The following CCSER1 variants were observed in gnomAD, a reference collection of about 807,000 sequenced individuals.
CCSER1 encodes coiled-coil serine rich protein 1.
In CCSER1, 41 loss-of-function variants were observed where a neutral mutation model predicts 82.0. That is an observed-to-expected ratio of 0.50 (90% CI 0.39 to 0.65). The LOEUF (loss-of-function observed/expected upper bound fraction) is 0.65, where lower values mean the gene tolerates loss of function less well. Ranked by LOEUF, CCSER1 falls within the 30% of genes least tolerant of loss-of-function variation. The pLI is 0.00. For synonymous variants in CCSER1, 414 were observed against 383.9 expected (o/e 1.08, Z -0.92); for missense variants, 1,119 against 1,064.2 (o/e 1.05, Z -0.72).
At chr4:90,558,835 A>C (rs1778409490) in intron 5 of CCSER1, among the ~76,000 whole-genome samples, 1 of 152,180 alleles carries the variant, frequency 6.6e-6, no homozygotes, top group African/African-American at 2.4e-5. Flanking sequence ...ATTGTTTTTA[A>C]GTGAGCTAAG....
At chr4:91,374,083 GAA>G (rs1412779305) in intron 10 of CCSER1, among the ~76,000 whole-genome samples, 1 of 152,106 alleles carries the variant, frequency 6.6e-6, no homozygotes, top group East Asian at 1.9e-4. Context: ...TGAGGTTTAT[GAA>G]AAGACACCAT....
intron 10 of CCSER1, among the ~76,000 whole-genome samples, chr4:91,139,816 G>C (rs1390219795): frequency 6.6e-6 from 1 of 152,188 alleles, no homozygotes; most frequent in South Asian, 2.1e-4. Flanking sequence ...AATACCAATT[G>C]CTTCTCTGAA....
At chr4:90,353,785 T>C (rs1034912261) in intron 3 of CCSER1, among the ~76,000 whole-genome samples, 1 of 152,186 alleles carries the variant, frequency 6.6e-6, no homozygotes, top group African/African-American at 2.4e-5. Flanking sequence ...CTACAATGAA[T>C]AGATATGAGG....
At chr4:91,268,924 G>A (rs373600702) in intron 10 of CCSER1, among the ~76,000 whole-genome samples, 41 of 152,258 alleles carry the variant, frequency 2.7e-4, no homozygotes, top group African/African-American at 9.1e-4. Flanking sequence ...CCATCTGGAC[G>A]TATACGTGCA....
At chr4:90,205,687 G>A (rs1738668672) in intron 1 of CCSER1, among the ~76,000 whole-genome samples, 1 of 152,004 alleles carries the variant, frequency 6.6e-6, no homozygotes, top group Non-Finnish European at 1.5e-5. Flanking sequence ...GCCTCGTTTT[G>A]GTATCAGGAT....
intron 10 of CCSER1, among the ~76,000 whole-genome samples, chr4:91,163,448 T>C (rs200202854): frequency 0.71 from 107,023 of 150,842 alleles, 38,415 homozygotes; most frequent in Non-Finnish European, 0.78. Context: ...CTATTAGGTC[T>C]GCTTGGTGCA....
At chr4:91,104,534 A>G (rs1725413531) in intron 10 of CCSER1, among the ~76,000 whole-genome samples, 1 of 152,228 alleles carries the variant, frequency 6.6e-6, no homozygotes, top group Admixed American at 6.5e-5. Context: ...TTCCCCCAGT[A>G]AGAGACTTTC....
At chr4:90,423,491 G>A (rs149585433) in intron 4 of CCSER1, among the ~76,000 whole-genome samples, 1,913 of 151,804 alleles carry the variant, frequency 0.013, 31 homozygotes, top group African/African-American at 0.043. Flanking sequence ...CCCAAAGTGC[G>A]GGGAATACAG....
At chr4:90,990,276 C>G (rs975105722) in intron 9 of CCSER1, among the ~76,000 whole-genome samples, 1 of 151,782 alleles carries the variant, frequency 6.6e-6, no homozygotes, top group Non-Finnish European at 1.5e-5. Context: ...CCTCTGTATC[C>G]CCTTAGGCCT....
chr4:91,282,750 T>C (rs1396338860), intron 10 of CCSER1, among the ~76,000 whole-genome samples: 1 of 152,162 alleles, frequency 6.6e-6, no homozygotes, highest in African/African-American at 2.4e-5. Flanking sequence ...TATTCTTTAT[T>C]AGAAGTAAGG....
chr4:90,758,231 T>G (rs1749866697), intron 7 of CCSER1, among the ~76,000 whole-genome samples: 1 of 152,062 alleles, frequency 6.6e-6, no homozygotes, highest in Non-Finnish European at 1.5e-5. Context: ...AGTCCTTGTT[T>G]CTTACATCAA....
At chr4:91,405,266 C>G (rs1460191537) in intron 10 of CCSER1, among the ~76,000 whole-genome samples, 4 of 151,394 alleles carry the variant, frequency 2.6e-5, no homozygotes, top group Non-Finnish European at 1.5e-5. Flanking sequence ...ATGTAGAAAG[C>G]TGAAACCAGA....
chr4:91,393,964 T>C (rs1751816372), intron 10 of CCSER1, among the ~76,000 whole-genome samples: 1 of 152,128 alleles, frequency 6.6e-6, no homozygotes, highest in African/African-American at 2.4e-5. Context: ...TTTCTATACA[T>C]TTACAAGATG....
chr4:91,598,433 T>A (rs1423033566), intron 10 of CCSER1, 139 bp from the exon 11 acceptor site: 49 of 870,156 alleles, frequency 5.6e-5, no homozygotes, highest in Non-Finnish European at 7.1e-5. Context: ...AATCCCATGG[T>A]TAATTGTATT....
At chr4:91,328,927 ATAAGTGGGAGT>A (rs1746756036) in intron 10 of CCSER1, among the ~76,000 whole-genome samples, 1 of 152,062 alleles carries the variant, frequency 6.6e-6, no homozygotes, top group Non-Finnish European at 1.5e-5. Context: ...TGAGGGATTT[ATAAGTGGGAGT>A]TCCCCTGCAA....
intron 7 of CCSER1, among the ~76,000 whole-genome samples, chr4:90,737,932 CTTGA>C (rs1745927988): frequency 2.6e-5 from 4 of 152,066 alleles, no homozygotes; most frequent in Non-Finnish European, 2.9e-5. Context: ...AGAATTTCTG[CTTGA>C]TTCTTTTTAA....
chr4:90,971,544 T>C (rs966923362), intron 9 of CCSER1, among the ~76,000 whole-genome samples: 2 of 151,972 alleles, frequency 1.3e-5, no homozygotes, highest in African/African-American at 4.8e-5. Flanking sequence ...AAGAAAAGCC[T>C]GCAACCAGAT....
chr4:90,142,263 TTTTG>T (rs1373255389), intron 1 of CCSER1, among the ~76,000 whole-genome samples: 2 of 152,172 alleles, frequency 1.3e-5, no homozygotes, highest in African/African-American at 4.8e-5. Flanking sequence ...ATTTAATCCT[TTTTG>T]TTTATGCAAA....
intron 6 of CCSER1, among the ~76,000 whole-genome samples, chr4:90,667,519 T>A (rs2149128054): frequency 6.6e-6 from 1 of 152,154 alleles, no homozygotes; most frequent in Admixed American, 6.6e-5. Context: ...CAGGCCCCGG[T>A]GGGTGATGTT....
Sources: gnomAD v4.1 joint callset for allele counts (sites outside exome capture counted in the v4.1 genomes callset) on GRCh38, gnomAD v4.1.1 for gene constraint, MANE v1.5 for transcripts, NCBI Gene and HGNC (gene_info 2026-07-23, HGNC 2026-07-21) for gene names.